Variants in TIA1 observed in about 807,000 individuals in gnomAD.
TIA1 encodes the protein cytotoxic granule associated RNA binding protein TIA1.
Under a neutral mutation model 65.9 loss-of-function variants are expected in TIA1, and 23 were observed. The ratio of observed to expected loss-of-function variants is 0.35; its 90% confidence interval spans 0.25 to 0.49. The LOEUF (loss-of-function observed/expected upper bound fraction) is 0.49. Ranked by LOEUF, TIA1 falls within the 20% of genes least tolerant of loss-of-function variation. The pLI is 0.98. For synonymous variants in TIA1, 147 were observed against 149.4 expected (o/e 0.98, Z 0.12); for missense variants, 371 against 477.9 (o/e 0.78, Z 2.09).
At chr2:70,218,729 G>A (rs748736930) in intron 7 of TIA1, among the ~76,000 whole-genome samples, 1 of 152,168 alleles carries the variant, frequency 6.6e-6, no homozygotes, top group Non-Finnish European at 1.5e-5. Context: ...CACCGCACCC[G>A]GCAAGAAGGC....
At chr2:70,219,961 T>G (rs1680507488) in intron 7 of TIA1, among the ~76,000 whole-genome samples, 1 of 152,176 alleles carries the variant, frequency 6.6e-6, no homozygotes, top group Non-Finnish European at 1.5e-5. Context: ...TAATGTTATG[T>G]GTTGAATTGT....
chr2:70,244,834 CAAAAAA>C (rs70956958), intron 1 of TIA1, among the ~76,000 whole-genome samples: 23 of 53,470 alleles, frequency 4.3e-4, no homozygotes, highest in African/African-American at 1.1e-3. Context: ...GACTCTGTCT[CAAAAAA>C]AAAAAAAAAA....
intron 7 of TIA1, among the ~76,000 whole-genome samples, chr2:70,220,736 C>A (rs1680906384): frequency 6.6e-6 from 1 of 151,756 alleles, no homozygotes; most frequent in Admixed American, 6.6e-5. Flanking sequence ...GGAAAAAAAA[C>A]AGAGATGTAT....
At chr2:70,226,102 CATT>C (rs1348196157) in intron 6 of TIA1, among the ~76,000 whole-genome samples, 1 of 151,832 alleles carries the variant, frequency 6.6e-6, no homozygotes, top group African/African-American at 2.4e-5. Context: ...AAAACTCAAA[CATT>C]ATACATTATC....
At chr2:70,217,642 C>T (rs1456019696) in intron 7 of TIA1, among the ~76,000 whole-genome samples, 1 of 152,110 alleles carries the variant, frequency 6.6e-6, no homozygotes, top group Non-Finnish European at 1.5e-5. Context: ...CGTGATCCTC[C>T]CAACTCGGCC....
chr2:70,247,397 G>T lies in TIA1; in HGVS notation c.26+1008C>A, dbSNP rs552227593. On this transcript the variant is annotated intron_variant, in intron 1 of 12. Coordinates refer to ENST00000433529, the MANE Select transcript of TIA1 (RefSeq NM_022173.4). ...GAGCTGCAAAGAGAAACCTAAAATTGCATTTTTAATGCATGGAGCTCTCAA... is the reference window on the plus strand; with the variant it reads ...GAGCTGCAAAGAGAAACCTAAAATTTCATTTTTAATGCATGGAGCTCTCAA... Among the ~76,000 whole-genome samples the T allele has an allele frequency of 2.0e-4, 31 of 152,272 alleles. No homozygotes were observed. In the East Asian group the frequency reaches 4.8e-3, roughly 24 times the overall value.
chr2:70,228,865 T>C (rs1684876312), intron 5 of TIA1, 194 bp downstream of exon 5: 2 of 1,438,246 alleles, frequency 1.4e-6, no homozygotes, highest in Non-Finnish European at 1.8e-6. Flanking sequence ...GTCAGAAAGC[T>C]TGAACTAGCA....
rs143197035 is a variant in TIA1, at chr2:70,243,331, G to A, written c.26+5074C>T. Among the ~76,000 whole-genome samples the A allele has an allele frequency of 1.4e-4, 22 of 152,270 alleles. No homozygotes were observed. The East Asian group carries it at 3.9e-3, about 27-fold the overall frequency. On this transcript the variant is annotated intron_variant, in intron 1 of 12. Transcript: ENST00000433529. Reference sequence around the variant, plus strand: ...AGTCCCAGCTATTCAGGAGGCTGAGGTGGGAAGATCCCTTGAGCCTGAGAG... The same window carrying A: ...AGTCCCAGCTATTCAGGAGGCTGAGATGGGAAGATCCCTTGAGCCTGAGAG...
Position 70,216,651 on chromosome 2 carries a change from C to A in TIA1, c.584-152G>T. The A allele has an allele frequency of 5.9e-6, 8 of 1,345,190 alleles. No homozygotes were observed. In the South Asian group the frequency reaches 1.2e-4, roughly 20 times the overall value. The allele number at this position is 1,345,190 out of a possible 1,614,324, so 83.3% of individuals were successfully genotyped here. A position where few individuals can be genotyped will look rare whatever the true frequency, so the allele number is the denominator to read the frequency against. ...TATACTTCAGTTCAGAATTAAACCTCCCCCACGAATGTCTAAAAAATTACC... is the reference window on the plus strand; with the variant it reads ...TATACTTCAGTTCAGAATTAAACCTACCCCACGAATGTCTAAAAAATTACC... On this transcript the variant is annotated intron_variant, in intron 8 of 12. Transcript: ENST00000433529.
intron 11 of TIA1, 92 bp from the exon 12 acceptor site, chr2:70,214,586 G>A: frequency 1.0e-6 from 1 of 971,204 alleles, no homozygotes; most frequent in Non-Finnish European, 1.4e-6. Context: ...AAACACACAG[G>A]GCCATCATTA....
intron 1 of TIA1, among the ~76,000 whole-genome samples, chr2:70,246,002 C>T (rs1008559902): frequency 2.0e-5 from 3 of 149,712 alleles, no homozygotes; most frequent in Non-Finnish European, 4.4e-5. Flanking sequence ...CGGCTCACTG[C>T]AACCTCCACC....
intron 1 of TIA1, among the ~76,000 whole-genome samples, chr2:70,245,624 A>G (rs1364160422): frequency 6.6e-6 from 1 of 152,222 alleles, no homozygotes. Context: ...CATCACCCAT[A>G]TGCTCACTAC....
At chr2:70,243,742 T>A (rs965307510) in intron 1 of TIA1, among the ~76,000 whole-genome samples, 2 of 152,186 alleles carry the variant, frequency 1.3e-5, no homozygotes, top group African/African-American at 4.8e-5. Context: ...TTAAAATAAA[T>A]CCATTTATTG....
At chr2:70,248,350 C>T in intron 1 of TIA1, 55 bp downstream of exon 1, 4 of 1,578,392 alleles carry the variant, frequency 2.5e-6, no homozygotes, top group African/African-American at 1.3e-5. Flanking sequence ...AGGGCCGAGG[C>T]CTTCCCTCCG....
chr2:70,244,233 C>CA (rs1350651910), intron 1 of TIA1, among the ~76,000 whole-genome samples: 1 of 152,146 alleles, frequency 6.6e-6, no homozygotes, highest in Non-Finnish European at 1.5e-5. Flanking sequence ...CCTCAAATGT[C>CA]ACTTATCAAA....
intron 5 of TIA1, 89 bp downstream of exon 5, chr2:70,228,970 C>T: frequency 5.9e-6 from 2 of 339,680 alleles, no homozygotes; most frequent in Non-Finnish European, 8.3e-6. Context: ...TCCCGCCCCC[C>T]TCCCCCAAAT....
intron 1 of TIA1, among the ~76,000 whole-genome samples, chr2:70,246,781 G>A (rs1346385570): frequency 6.6e-6 from 1 of 152,130 alleles, no homozygotes; most frequent in African/African-American, 2.4e-5. Context: ...AGCTACTTGG[G>A]AGGGTGAGGC....
chr2:70,221,303 C>A (rs1330852866), intron 7 of TIA1, among the ~76,000 whole-genome samples: 1 of 151,570 alleles, frequency 6.6e-6, no homozygotes. Flanking sequence ...CCATGCCTGG[C>A]CTTTTTTTAA....
In TIA1 at chr2:70,223,162, A is replaced by G. The variant is rs181144948; in HGVS notation, c.474+1392T>C. 2.6e-5 allele frequency among the ~76,000 whole-genome samples: 4 copies of G among 152,286 alleles called. No individual in the cohort carries two copies. In the East Asian group the frequency reaches 7.7e-4, roughly 29 times the overall value. On this transcript the variant is annotated intron_variant, in intron 7 of 12. Coordinates refer to ENST00000433529, the MANE Select transcript of TIA1 (RefSeq NM_022173.4). ...CATCAAACCGCCAATTTATTTCCCTAACTTGCACTAAAACATCCTAAAACC... is the reference window on the plus strand; with the variant it reads ...CATCAAACCGCCAATTTATTTCCCTGACTTGCACTAAAACATCCTAAAACC...
Sources: allele counts gnomAD v4.1 joint callset (sites outside exome capture counted in the v4.1 genomes callset), GRCh38; gene constraint gnomAD v4.1.1; transcripts MANE v1.5; gene names NCBI Gene and HGNC (gene_info 2026-07-23, HGNC 2026-07-21).